The following KIRREL3 variants were observed in gnomAD, a reference collection of about 807,000 sequenced individuals.
KIRREL3 encodes the protein kin of IRRE-like protein 3.
In KIRREL3, 36 loss-of-function variants were observed where a neutral mutation model predicts 89.7. That is an observed-to-expected ratio of 0.40 (90% CI 0.31 to 0.53). The LOEUF is 0.53. KIRREL3 is among the 20% of genes least tolerant of loss of function. KIRREL3 has a pLI of 0.49. For synonymous variants in KIRREL3, 445 were observed against 441.4 expected (o/e 1.01, Z -0.10); for missense variants, 864 against 1,056.6 (o/e 0.82, Z 2.53).
rs1021092633 is a variant in KIRREL3, at chr11:126,608,411, C to A, written c.56-45499G>T. 2.0e-5 allele frequency among the ~76,000 whole-genome samples: 3 copies of A among 152,202 alleles called. No homozygotes were observed. Among genetic ancestry groups the A allele is most frequent in the Non-Finnish European group, 4.4e-5 (3 of 68,032 alleles). On this transcript the variant is annotated intron_variant, in intron 1 of 16. Coordinates refer to ENST00000525144, the MANE Select transcript of KIRREL3 (RefSeq NM_032531.4). This position sits in a 1 kb window ranked among gnomAD's most constrained non-coding sequence, Gnocchi z 4.9. The stretch of plus-strand genomic sequence containing the variant: ...TGAATTAAGCTGCCTAAGATCACCT[C>A]ATTAAATTCACTAACCTTGCTTTTC...
rs1944459124 is a variant in KIRREL3 at position 126,641,292 on chromosome 11, T to C, written c.56-78380A>G. 6.6e-6 allele frequency among the ~76,000 whole-genome samples: 1 copy of C among 152,064 alleles called. No homozygotes were observed. ...CTCTGCTACTTTCTTGGCCCGAGCCTCATCACTTGTTGCTCAGATGGTTGT... is the reference window on the plus strand; with the variant it reads ...CTCTGCTACTTTCTTGGCCCGAGCCCCATCACTTGTTGCTCAGATGGTTGT... On this transcript the variant is annotated intron_variant, in intron 1 of 16. Transcript: ENST00000525144. The surrounding 1 kb of genome is among the most constrained non-coding windows in gnomAD (Gnocchi z 5.0).
At chr11:126,504,158 T>C (rs1957950228) in intron 4 of KIRREL3, among the ~76,000 whole-genome samples, 1 of 152,134 alleles carries the variant, frequency 6.6e-6, no homozygotes, top group African/African-American at 2.4e-5. Context: ...ACCAAAAACC[T>C]TGGCATCATC....
intron 1 of KIRREL3, among the ~76,000 whole-genome samples, chr11:126,835,653 G>T (rs1253992282): frequency 1.3e-5 from 2 of 152,202 alleles, no homozygotes; most frequent in Non-Finnish European, 2.9e-5. Flanking sequence ...GGGGCTCAGA[G>T]GGGGACACAG....
intron 1 of KIRREL3, among the ~76,000 whole-genome samples, chr11:126,584,765 C>T (rs1446275749): frequency 2.0e-5 from 3 of 152,144 alleles, no homozygotes; most frequent in Non-Finnish European, 2.9e-5. Context: ...AGGCCAGATG[C>T]CACTACCACA....
chr11:126,965,046 C>T lies in KIRREL3; in HGVS notation c.55+35409G>A, dbSNP rs1247602438. 6.6e-6 allele frequency among the ~76,000 whole-genome samples: 1 copy of T among 152,082 alleles called. No individual in the cohort carries two copies. Among genetic ancestry groups the T allele is most frequent in the Non-Finnish European group, 1.5e-5 (1 of 68,018 alleles). On this transcript the variant is annotated intron_variant, in intron 1 of 16. Transcript: ENST00000525144. This position sits in a 1 kb window ranked among gnomAD's most constrained non-coding sequence, Gnocchi z 4.4. The stretch of plus-strand genomic sequence containing the variant: ...GCATAAAAGTGTTGTACTCCCAACT[C>T]AACAGATGGGATATTAGAGCCAAGA...
chr11:126,670,031 A>T lies in KIRREL3; in HGVS notation c.56-107119T>A, dbSNP rs115401430. On this transcript the variant is annotated intron_variant, in intron 1 of 16. Transcript: ENST00000525144. ...CATTCCTTCTCCCAGCACATTCCAC[A>T]CACCAGCATGTCCTGTTGGCTCTTG... Among the ~76,000 whole-genome samples the T allele has an allele frequency of 2.6e-3, 391 of 152,108 alleles. 4 individuals are homozygous for T. Among genetic ancestry groups the T allele is most frequent in the African/African-American group, 8.9e-3 (369 of 41,486 alleles).
At chr11:126,939,644 C>T (rs574377799) in intron 1 of KIRREL3, among the ~76,000 whole-genome samples, 5 of 152,132 alleles carry the variant, frequency 3.3e-5, no homozygotes, top group Admixed American at 1.3e-4. Context: ...AGGATCACAC[C>T]GGTACCTTTG....
Position 126,446,785 on chromosome 11 carries a change from C to T in KIRREL3, c.1099G>A (p.Val367Ile), listed in dbSNP as rs914855096. 3.1e-6 allele frequency: 5 copies of T among 1,602,742 alleles called. No individual in the cohort carries two copies. The South Asian group carries it at 3.4e-5, about 11-fold the overall frequency. The change falls in exon 9 of 17, where the codon GTC becomes ATC. Residue 367 changes from valine to isoleucine, a missense_variant. Transcript: ENST00000525144. ...AWTGNPSLTI[V>I]WMKRGSGVVL... ...ACTCCGGAGCCCCGCTTCATCCAGA[C>T]GATGGTCAGGGATGGGTTGCCGGTC...
rs5795499 is a variant in KIRREL3, at chr11:126,493,654, C to CAAAA, written c.434-20192_434-20189dup. Among the ~76,000 whole-genome samples the CAAAA allele has an allele frequency of 3.0e-3, 240 of 80,410 alleles. 7 individuals are homozygous for CAAAA. The highest frequency in any genetic ancestry group is 7.2e-3 in the African/African-American group (136 of 19,008). The allele number at this position is 80,410 out of a possible 152,430, so 52.8% of individuals were successfully genotyped here. A position where few individuals can be genotyped will look rare whatever the true frequency, so the allele number is the denominator to read the frequency against. On this transcript the variant is annotated intron_variant, in intron 4 of 16. Coordinates refer to ENST00000525144, the MANE Select transcript of KIRREL3 (RefSeq NM_032531.4). ...TGGGCGACAGAGCAAGACTCTGTCT[C>CAAAA]AAAAAAAAAAAAAAAAAAAAAGAGA... is the stretch of plus-strand genomic sequence containing the variant.
intron 1 of KIRREL3, among the ~76,000 whole-genome samples, chr11:126,925,698 C>T (rs1035490303): frequency 7.2e-5 from 11 of 152,176 alleles, no homozygotes; most frequent in African/African-American, 1.9e-4. Context: ...AAGGTGAGAA[C>T]GTTGTGGTCA....
rs1055890360 is a variant in KIRREL3, at chr11:126,485,074, C to G, written c.434-11608G>C. ...ACCTCAGGTGATCCGCCCACCTTAG[C>G]CTCCAAAGTGCTGGGATTACAGCTG... On this transcript the variant is annotated intron_variant, in intron 4 of 16. Transcript: ENST00000525144. The surrounding 1 kb of genome is among the most constrained non-coding windows in gnomAD (Gnocchi z 5.8). Among the ~76,000 whole-genome samples the G allele has an allele frequency of 6.6e-6, 1 of 152,118 alleles. No individual in the cohort carries two copies. The highest frequency in any genetic ancestry group is 1.5e-5 in the Non-Finnish European group (1 of 67,996).
rs1010691198 is a variant in KIRREL3, at chr11:126,704,921, G to A, written c.56-142009C>T. ...TGGGATGAAAGCCTCTGCCCTGTAT[G>A]TCTGGCCACCTTGCTAAAAACTGTC... On this transcript the variant is annotated intron_variant, in intron 1 of 16. Coordinates refer to ENST00000525144, the MANE Select transcript of KIRREL3 (RefSeq NM_032531.4). This position sits in a 1 kb window ranked among gnomAD's most constrained non-coding sequence, Gnocchi z 4.2. Among the ~76,000 whole-genome samples the A allele has an allele frequency of 2.0e-5, 3 of 152,190 alleles. No homozygotes were observed. Among genetic ancestry groups the A allele is most frequent in the Non-Finnish European group, 4.4e-5 (3 of 68,036 alleles).
intron 1 of KIRREL3, among the ~76,000 whole-genome samples, chr11:126,657,914 A>T (rs1459681291): frequency 6.6e-6 from 1 of 152,148 alleles, no homozygotes; most frequent in Admixed American, 6.5e-5. Context: ...GATCAAGACC[A>T]CCCAGCCCAG....
chr11:126,569,920 G>A lies in KIRREL3; in HGVS notation c.56-7008C>T, dbSNP rs1008079884. On this transcript the variant is annotated intron_variant, in intron 1 of 16. Coordinates refer to ENST00000525144, the MANE Select transcript of KIRREL3 (RefSeq NM_032531.4). The surrounding 1 kb of genome is among the most constrained non-coding windows in gnomAD (Gnocchi z 6.5). ...CTTCTGTTTGGAAAGTTTTCACTTT[G>A]ATTCTGCTAAACTGCTTTCTGCATC... 1.3e-5 allele frequency among the ~76,000 whole-genome samples: 2 copies of A among 152,072 alleles called. No homozygotes were observed. The highest frequency in any genetic ancestry group is 2.4e-5 in the African/African-American group (1 of 41,384).
At chr11:126,885,529 A>T (rs1418741734) in intron 1 of KIRREL3, among the ~76,000 whole-genome samples, 1 of 152,246 alleles carries the variant, frequency 6.6e-6, no homozygotes, top group Admixed American at 6.5e-5. Flanking sequence ...ATTGTTTGTG[A>T]ATACAATGAT....
chr11:126,921,580 T>TTCTATCTATCTA lies in KIRREL3; in HGVS notation c.55+78863_55+78874dup, dbSNP rs201891981. 2.5e-4 allele frequency among the ~76,000 whole-genome samples: 8 copies of TTCTATCTATCTA among 32,494 alleles called. 1 individual carries two copies. The highest frequency in any genetic ancestry group is 3.6e-4 in the Non-Finnish European group (6 of 16,482). The allele number at this position is 32,494 out of a possible 152,430, so 21.3% of individuals were successfully genotyped here. On this transcript the variant is annotated intron_variant, in intron 1 of 16. Transcript: ENST00000525144. Reference sequence around the variant, plus strand: ...ATCTATCAATCTATCTATATCTGTCTTCTATCTATCTATCTATCTATCTAT... The same window carrying TTCTATCTATCTA: ...ATCTATCAATCTATCTATATCTGTCTTCTATCTATCTATCTATCTATCTATCTATCTATCTAT...
rs552284020 is a variant in KIRREL3 at position 126,843,113 on chromosome 11, A to G, written c.55+157342T>C. 9.4e-4 allele frequency among the ~76,000 whole-genome samples: 143 copies of G among 152,284 alleles called. 1 individual carries two copies. The highest frequency in any genetic ancestry group is 3.0e-3 in the African/African-American group (126 of 41,554). ...TCTATATAACAGTGTCCTCGTTCTC[A>G]CCTGCCCTTTAGGACAATATCCTGC... On this transcript the variant is annotated intron_variant, in intron 1 of 16. Coordinates refer to ENST00000525144, the MANE Select transcript of KIRREL3 (RefSeq NM_032531.4). This position sits in a 1 kb window ranked among gnomAD's most constrained non-coding sequence, Gnocchi z 4.6.
chr11:126,643,225 G>A lies in KIRREL3; in HGVS notation c.56-80313C>T, dbSNP rs1944540134. ...GTATCTATTTCATAGGGTTAACATG[G>A]GAATTAAAGAAGATAATGCATATTA... On this transcript the variant is annotated intron_variant, in intron 1 of 16. Coordinates refer to ENST00000525144, the MANE Select transcript of KIRREL3 (RefSeq NM_032531.4). The surrounding 1 kb of genome is among the most constrained non-coding windows in gnomAD (Gnocchi z 4.5). 6.6e-6 allele frequency among the ~76,000 whole-genome samples: 1 copy of A among 152,238 alleles called. No homozygotes were observed. The highest frequency in any genetic ancestry group is 1.9e-4 in the East Asian group (1 of 5,188).
Position 126,983,511 on chromosome 11 carries a change from G to T in KIRREL3, c.55+16944C>A, listed in dbSNP as rs1405905367. Among the ~76,000 whole-genome samples the T allele has an allele frequency of 3.3e-5, 5 of 152,164 alleles. No individual in the cohort carries two copies. The highest frequency in any genetic ancestry group is 1.2e-4 in the African/African-American group (5 of 41,442). On this transcript the variant is annotated intron_variant, in intron 1 of 16. Coordinates refer to ENST00000525144, the MANE Select transcript of KIRREL3 (RefSeq NM_032531.4). This position sits in a 1 kb window ranked among gnomAD's most constrained non-coding sequence, Gnocchi z 4.9. ...TTTCCTAAATTACCCTCTGTGGTCT[G>T]ATATAATCACTTGGTTCCTTATGAG...
Sources: allele counts gnomAD v4.1 joint callset (sites outside exome capture counted in the v4.1 genomes callset), GRCh38; gene constraint gnomAD v4.1.1; non-coding constraint Gnocchi (gnomAD v3.1); transcripts MANE v1.5; gene names NCBI Gene and HGNC (gene_info 2026-07-23, HGNC 2026-07-21).